ARNT2: variants seen among roughly 807,000 people sequenced by gnomAD.
ARNT2 encodes ARNT protein 2.
ARNT2 carries 36 observed loss-of-function variants against 91.7 expected under a neutral mutation model. That is an observed-to-expected ratio of 0.39 (90% CI 0.30 to 0.52). The LOEUF is 0.52. Ranked by LOEUF, ARNT2 falls within the 20% of genes least tolerant of loss-of-function variation. The pLI is 0.72. For synonymous variants in ARNT2, 365 were observed against 347.1 expected, an observed-to-expected ratio of 1.05 and a Z score of -0.57; for missense variants, 775 against 939.3, an observed-to-expected ratio of 0.83 and a Z score of 2.29.
At chr15:80,553,325 G>A (rs535004611) in intron 10 of ARNT2, among the ~76,000 whole-genome samples, 1 of 152,252 alleles carries the variant, frequency 6.6e-6, no homozygotes, top group Admixed American at 6.5e-5. Context: ...CCTTAATTGT[G>A]TCCTGGGCCT....
chr15:80,497,779 C>A (rs1360913902), intron 5 of ARNT2, among the ~76,000 whole-genome samples: 1 of 151,808 alleles, frequency 6.6e-6, no homozygotes, highest in African/African-American at 2.4e-5. Flanking sequence ...AATGGTAGAG[C>A]AGTGTTGCAG....
chr15:80,534,967 G>A (rs1274502793), intron 8 of ARNT2, among the ~76,000 whole-genome samples: 1 of 152,118 alleles, frequency 6.6e-6, no homozygotes, highest in Non-Finnish European at 1.5e-5. Context: ...TTAGTGGGAG[G>A]AACAGCAGAT....
At chr15:80,573,793 C>T (rs775800092) in intron 12 of ARNT2, among the ~76,000 whole-genome samples, 3 of 152,196 alleles carry the variant, frequency 2.0e-5, no homozygotes, top group Non-Finnish European at 4.4e-5. Flanking sequence ...AACACCCGCC[C>T]GTTTATGGCT....
chr15:80,438,883 GT>G (rs1399019074), intron 1 of ARNT2, among the ~76,000 whole-genome samples: 3 of 152,176 alleles, frequency 2.0e-5, no homozygotes, highest in African/African-American at 7.2e-5. Flanking sequence ...TAGATACGGG[GT>G]TTCACTGTGT....
chr15:80,512,668 A>G (rs1283008428), intron 6 of ARNT2, among the ~76,000 whole-genome samples: 1 of 152,224 alleles, frequency 6.6e-6, no homozygotes, highest in East Asian at 1.9e-4. Flanking sequence ...CCAGCAATAC[A>G]AATCTTAATG....
Position 80,593,603 on chromosome 15 carries a change from A to G in ARNT2, c.2059A>G (p.Met687Val). The G allele has an allele frequency of 6.3e-7, 1 of 1,594,632 alleles. No homozygotes were observed. The highest frequency in any genetic ancestry group is 8.6e-7 in the Non-Finnish European group (1 of 1,168,568). Residue 687 changes from methionine (M) to valine (V), a missense_variant, in exon 19 of 19, where the codon ATG (methionine) becomes GTG (valine). Transcript: ENST00000303329. ...QPGQTEVFQD[M>V]LPMPGDPTQG... is the part of the protein sequence containing the mutation. ...TCTCTTTTCCTCTCCTCTGCAGGAC[A>G]TGCTGCCCATGCCAGGAGATCCAAC... is the stretch of plus-strand genomic sequence containing the variant.
chr15:80,578,884 A>T (rs2141479283), intron 15 of ARNT2, among the ~76,000 whole-genome samples: 1 of 152,254 alleles, frequency 6.6e-6, no homozygotes, highest in Non-Finnish European at 1.5e-5. Flanking sequence ...CTGGCTTGGG[A>T]TGGGGTAGGC....
intron 3 of ARNT2, among the ~76,000 whole-genome samples, chr15:80,465,174 C>G (rs1021723250): frequency 2.0e-5 from 3 of 152,240 alleles, no homozygotes; most frequent in African/African-American, 7.2e-5. Flanking sequence ...GTGAATTGTC[C>G]AAGAGCAGAG....
intron 1 of ARNT2, among the ~76,000 whole-genome samples, chr15:80,423,374 G>A (rs1376887680): frequency 6.6e-6 from 1 of 152,170 alleles, no homozygotes; most frequent in Non-Finnish European, 1.5e-5. Flanking sequence ...AAACACACAG[G>A]AATTCCTAAC....
chr15:80,546,911 C>T (rs1216850661), intron 8 of ARNT2, among the ~76,000 whole-genome samples: 6 of 151,234 alleles, frequency 4.0e-5, no homozygotes, highest in Middle Eastern at 3.2e-3. Flanking sequence ...TGCAGTGAGC[C>T]GAGATCACGC....
intron 6 of ARNT2, among the ~76,000 whole-genome samples, chr15:80,509,956 A>C (rs1405570364): frequency 6.6e-6 from 1 of 152,156 alleles, no homozygotes; most frequent in East Asian, 1.9e-4. Context: ...TCTGCATGAG[A>C]TGAGAGGTCC....
At position 80,596,953 on chromosome 15, in the gene ARNT2, G is replaced by T. The variant is rs573675410; in HGVS notation, c.*3255G>T. 8 of 354,538 alleles carry T rather than the reference G, an allele frequency of 2.3e-5. No individual in the cohort carries two copies. The highest frequency in any genetic ancestry group is 1.3e-4 in the African/African-American group (6 of 46,734). 22.0% of individuals were successfully genotyped at this position (354,538 alleles called of 1,614,324 possible). ...TTTTATTTTTAGCTTTGGCTTCAGGGAGTGACAGCCATCACAAATAGCCAC... is the reference window on the plus strand; with the variant it reads ...TTTTATTTTTAGCTTTGGCTTCAGGTAGTGACAGCCATCACAAATAGCCAC... On this transcript the variant is annotated 3_prime_UTR_variant, in exon 19 of 19. Transcript: ENST00000303329.
At chr15:80,519,335 G>T (rs112511903) in intron 8 of ARNT2, among the ~76,000 whole-genome samples, 1,814 of 152,270 alleles carry the variant, frequency 0.012, 25 homozygotes, top group African/African-American at 0.042. Context: ...TTTTTAAAAG[G>T]TGCAGGTAGA....
rs1009011798 is a variant in ARNT2 at position 80,441,308 on chromosome 15, C to T, written c.32-9572C>T. ...AGAGGTTTCTGACATTTCTTCTACA[C>T]GGATAACAGATTCTCCTAAGAAGGT... On this transcript the variant is annotated intron_variant, in intron 1 of 18. Transcript: ENST00000303329. The T allele has an allele frequency of 1.0e-5, 10 of 984,756 alleles. No homozygotes were observed. The Middle Eastern group carries it at 1.6e-3, about 153-fold the overall frequency. 61.0% of individuals were successfully genotyped at this position (984,756 alleles called of 1,614,324 possible). A position where few individuals can be genotyped will look rare whatever the true frequency, so the allele number is the denominator to read the frequency against.
chr15:80,495,003 G>A (rs185612544), intron 5 of ARNT2, among the ~76,000 whole-genome samples: 41 of 152,250 alleles, frequency 2.7e-4, no homozygotes, highest in African/African-American at 9.6e-4. Context: ...ACTGCTTGGC[G>A]GAAAGGCTCT....
In ARNT2 at chr15:80,593,730, T is replaced by G; in HGVS notation, c.*32T>G. 1 of 1,559,086 alleles carries G rather than the reference T, an allele frequency of 6.4e-7. No homozygotes were observed. The highest frequency in any genetic ancestry group is 8.8e-7 in the Non-Finnish European group (1 of 1,142,374). On this transcript the variant is annotated 3_prime_UTR_variant, in exon 19 of 19. Coordinates refer to ENST00000303329, the MANE Select transcript of ARNT2 (RefSeq NM_014862.4). ...CCAGAGTGAGGCTCCTGCTGTACAG[T>G]GCCACCCATACTGTGATGTCGATGC...
chr15:80,552,913 C>T (rs544913473), intron 10 of ARNT2, 139 bp downstream of exon 10: 40 of 1,043,908 alleles, frequency 3.8e-5, no homozygotes, highest in South Asian at 1.6e-4. Flanking sequence ...CTAGATAGAA[C>T]GATAGATATC....
intron 13 of ARNT2, 48 bp downstream of exon 13, chr15:80,574,268 A>G (rs117299940): frequency 0.028 from 44,370 of 1,566,966 alleles, 966 homozygotes; most frequent in Admixed American, 0.11. Flanking sequence ...CTCCAGCCCA[A>G]TGGACTTGGG....
At chr15:80,416,209 C>T (rs1325680840) in intron 1 of ARNT2, among the ~76,000 whole-genome samples, 6 of 152,086 alleles carry the variant, frequency 3.9e-5, no homozygotes, top group African/African-American at 1.4e-4. Flanking sequence ...AGACAAGTTG[C>T]AGGAATAATA....
Sources: gnomAD v4.1 joint callset for allele counts (sites outside exome capture counted in the v4.1 genomes callset) on GRCh38, gnomAD v4.1.1 for gene constraint, MANE v1.5 for transcripts, NCBI Gene and HGNC (gene_info 2026-07-23, HGNC 2026-07-21) for gene names.